Variants in ATL2 observed in about 807,000 individuals in gnomAD.
The protein encoded by ATL2 is atlastin-2.
Under a neutral mutation model 73.9 loss-of-function variants are expected in ATL2, and 31 were observed. The observed-to-expected ratio is 0.42, with a 90% confidence interval of 0.32 to 0.57. ATL2 has a LOEUF of 0.57. Ranked by LOEUF, ATL2 falls within the 20% of genes least tolerant of loss-of-function variation. The probability of loss-of-function intolerance (pLI) is 0.14; values close to 1 mark genes in which losing one functional copy is unlikely to be tolerated. For synonymous variants in ATL2, 291 were observed against 237.5 expected (o/e 1.23, Z -2.07); for missense variants, 738 against 702.6 (o/e 1.05, Z -0.57).
chr2:38,344,702 C>T (rs1669920524), intron 1 of ATL2, among the ~76,000 whole-genome samples: 1 of 152,132 alleles, frequency 6.6e-6, no homozygotes. Context: ...AAAAATGATA[C>T]TTACAATGAG....
intron 2 of ATL2, among the ~76,000 whole-genome samples, chr2:38,332,733 G>A (rs1669072243): frequency 6.6e-6 from 1 of 152,190 alleles, no homozygotes; most frequent in Non-Finnish European, 1.5e-5. Flanking sequence ...GAGTCCAGGG[G>A]AGAATGAATG....
chr2:38,370,113 C>A (rs1024468999), intron 1 of ATL2, among the ~76,000 whole-genome samples: 1 of 144,388 alleles, frequency 6.9e-6, no homozygotes, highest in Non-Finnish European at 1.5e-5. Flanking sequence ...CGAGATCCCG[C>A]CACTGCACTC....
chr2:38,352,307 G>A (rs909258146), intron 1 of ATL2, among the ~76,000 whole-genome samples: 3 of 152,068 alleles, frequency 2.0e-5, no homozygotes, highest in Non-Finnish European at 4.4e-5. Context: ...TATCAGACTG[G>A]CCCTCGACCG....
intron 2 of ATL2, among the ~76,000 whole-genome samples, chr2:38,320,063 C>T (rs1438047442): frequency 4.0e-5 from 6 of 151,766 alleles, no homozygotes; most frequent in East Asian, 1.9e-4. Flanking sequence ...GCAGAGATCG[C>T]GCCACTGCAC....
At chr2:38,297,410 G>A (rs1200778181) in intron 12 of ATL2, among the ~76,000 whole-genome samples, 1 of 152,084 alleles carries the variant, frequency 6.6e-6, no homozygotes, top group South Asian at 2.1e-4. Context: ...AGTATTTCAC[G>A]AAGATCATCT....
Position 38,298,168 on chromosome 2 carries a change from C to G in ATL2, c.1608G>C (p.Gln536His), listed in dbSNP as rs1286886574. 6.2e-7 allele frequency: 1 copy of G among 1,612,958 alleles called. No homozygotes were observed. The highest frequency in any genetic ancestry group is 8.5e-7 in the Non-Finnish European group (1 of 1,179,352). Reference protein sequence around the residue: ...EFREIGTVIDQIAETLWEQVL... With the variant: ...EFREIGTVIDHIAETLWEQVL... The stretch of plus-strand genomic sequence containing the variant: ...CCTGTTCCCATAGTGTTTCAGCAAT[C>G]TGATCAATCACTGTTCCAATTTCTC... Residue 536 changes from glutamine (Q) to histidine (H), a missense_variant, in exon 12 of 13, where the codon CAG (glutamine) becomes CAC (histidine). Coordinates refer to ENST00000378954, the MANE Select transcript of ATL2 (RefSeq NM_001135673.4).
intron 2 of ATL2, among the ~76,000 whole-genome samples, chr2:38,322,018 A>G (rs1230457768): frequency 1.3e-5 from 2 of 152,160 alleles, no homozygotes; most frequent in East Asian, 3.8e-4. Flanking sequence ...CTACCATACC[A>G]AAAAAAGTTA....
At chr2:38,339,018 C>A (rs1669538386) in intron 2 of ATL2, among the ~76,000 whole-genome samples, 1 of 152,082 alleles carries the variant, frequency 6.6e-6, no homozygotes. Flanking sequence ...GAGTTTGAGA[C>A]CAGCCTAGCC....
intron 6 of ATL2, among the ~76,000 whole-genome samples, 158 bp from the exon 7 acceptor site, chr2:38,313,401 G>C (rs958703702): frequency 3.3e-5 from 5 of 152,104 alleles, no homozygotes; most frequent in Non-Finnish European, 7.4e-5. Context: ...GTTATATCAA[G>C]GACCCACTTA....
At position 38,298,515 on chromosome 2, in the gene ATL2, G is replaced by C. The variant is rs1320077597; in HGVS notation, c.1261C>G (p.Leu421Val). ...PSDLERKHLDLKEVAIKQFRS... is the reference protein window; with the variant it reads ...PSDLERKHLDVKEVAIKQFRS... Reference sequence around the variant, plus strand: ...AATTGTTTTATCGCCACTTCCTTGAGATCCAAGTGTTTTCGCTCCAGATCT... The same window carrying C: ...AATTGTTTTATCGCCACTTCCTTGACATCCAAGTGTTTTCGCTCCAGATCT... Residue 421 changes from leucine to valine, a missense_variant, in exon 12 of 13, where the codon CTC (leucine) becomes GTC (valine). Transcript: ENST00000378954. The C allele has an allele frequency of 1.9e-6, 3 of 1,614,150 alleles. No homozygotes were observed. In the African/African-American group the frequency reaches 4.0e-5, roughly 22 times the overall value.
rs115258580 is a variant in ATL2, at chr2:38,298,290, C to A, written c.1486G>T (p.Gly496Cys). 6.2e-7 allele frequency: 1 copy of A among 1,614,098 alleles called. No individual in the cohort carries two copies. Among genetic ancestry groups the A allele is most frequent in the East Asian group, 2.2e-5 (1 of 44,878 alleles). The change falls in exon 12 of 13, where the codon GGC (glycine) becomes TGC (cysteine). Residue 496 changes from glycine to cysteine, a missense_variant. Transcript: ENST00000378954. ...CACAAGACAGCTATAGAGTTTAGGC[C>A]AATGAAGCCAGTCAGTCCTGAGATT... ...YIISGLTGFI[G>C]LNSIAVLCNL...
chr2:38,376,308 G>C, intron 1 of ATL2: 1 of 1,305,892 alleles, frequency 7.7e-7, no homozygotes, highest in Admixed American at 2.9e-5. Flanking sequence ...CTGCGTCTTC[G>C]AGGGGGCAGG....
intron 9 of ATL2, among the ~76,000 whole-genome samples, chr2:38,305,615 A>G (rs781310492): frequency 2.6e-5 from 4 of 152,198 alleles, no homozygotes; most frequent in South Asian, 2.1e-4. Context: ...AATAAAATCA[A>G]TAACGAGGAA....
chr2:38,351,501 T>G (rs1314404245), intron 1 of ATL2, among the ~76,000 whole-genome samples: 1 of 151,352 alleles, frequency 6.6e-6, no homozygotes, highest in Non-Finnish European at 1.5e-5. Context: ...ATTTAATTTT[T>G]TTTTTTTTTT....
chr2:38,313,283 A>C (rs1667854634), intron 6 of ATL2, 40 bp from the exon 7 acceptor site: 2 of 1,465,888 alleles, frequency 1.4e-6, no homozygotes, highest in Non-Finnish European at 1.9e-6. Flanking sequence ...TTTTACAATA[A>C]AGAAAATTTA....
intron 1 of ATL2, among the ~76,000 whole-genome samples, chr2:38,348,112 G>C (rs1670129551): frequency 6.6e-6 from 1 of 151,974 alleles, no homozygotes; most frequent in Admixed American, 6.6e-5. Context: ...CAAATAGCTT[G>C]GGGAAATACC....
At position 38,360,930 on chromosome 2, in the gene ATL2, C is replaced by CAA. The variant is rs201457850; in HGVS notation, c.118+16211_118+16212dup. On this transcript the variant is annotated intron_variant, in intron 1 of 12. Coordinates refer to ENST00000378954, the MANE Select transcript of ATL2 (RefSeq NM_001135673.4). ...TTCACCAAAGTATTGTTGGTAACTA[C>CAA]AAAAAAAAAAATTGGAACAACCTAA... Among the ~76,000 whole-genome samples the CAA allele has an allele frequency of 1.0e-3, 141 of 137,916 alleles. 2 individuals carry two copies. Among genetic ancestry groups the CAA allele is most frequent in the African/African-American group, 3.5e-3 (138 of 39,268 alleles). The allele number at this position is 137,916 out of a possible 152,430, so 90.5% of individuals were successfully genotyped here.
At chr2:38,321,349 A>G (rs1304964479) in intron 2 of ATL2, among the ~76,000 whole-genome samples, 1 of 152,130 alleles carries the variant, frequency 6.6e-6, no homozygotes, top group African/African-American at 2.4e-5. Context: ...TCAGTTTTCA[A>G]TACCTACAAC....
chr2:38,365,696 G>A (rs1671283119), intron 1 of ATL2, among the ~76,000 whole-genome samples: 1 of 152,066 alleles, frequency 6.6e-6, no homozygotes, highest in South Asian at 2.1e-4. Context: ...CTACTTGGGA[G>A]GCTGAGGCAG....
Sources: allele counts gnomAD v4.1 joint callset (sites outside exome capture counted in the v4.1 genomes callset), GRCh38; gene constraint gnomAD v4.1.1; transcripts MANE v1.5; gene names NCBI Gene and HGNC (gene_info 2026-07-23, HGNC 2026-07-21).